VCF2: variants seen among roughly 807,000 people sequenced by gnomAD.
The protein encoded by VCF2 is VCP nuclear cofactor family member 2.
the VCF2 span, among the ~76,000 whole-genome samples, chrX:55,148,908 T>C: frequency 1.8e-5 from 2 of 112,138 alleles, no homozygotes; most frequent in South Asian, 3.7e-4. Flanking sequence ...TTTCAGCTTC[T>C]GTAATTTTTC....
the VCF2 span, chrX:55,145,360 C>G: frequency 1.3e-6 from 1 of 751,028 alleles, no homozygotes. Flanking sequence ...GTGTTTCCTA[C>G]TAAGTCTGAA....
chrX:55,153,350 T>A, the VCF2 span, among the ~76,000 whole-genome samples: 1 of 98,848 alleles, frequency 1.0e-5, no homozygotes, highest in African/African-American at 3.7e-5. Flanking sequence ...AATTTTTATT[T>A]ATTAATTTTT....
chrX:55,155,941 CTTTTT>C, the VCF2 span, among the ~76,000 whole-genome samples: 2 of 50,525 alleles, frequency 4.0e-5, no homozygotes, highest in African/African-American at 5.5e-5. Context: ...TCTTCTTCTT[CTTTTT>C]TTTTTTTTTT....
chrX:55,156,514 A>G, the VCF2 span, among the ~76,000 whole-genome samples: 11 of 112,638 alleles, frequency 9.8e-5, 1 homozygote, highest in South Asian at 3.3e-3. Context: ...ACGTGTACAC[A>G]TTCTCTAATA....
At chrX:55,157,189 T>C in the VCF2 span, among the ~76,000 whole-genome samples, 2 of 112,646 alleles carry the variant, frequency 1.8e-5, no homozygotes, top group East Asian at 2.8e-4. Flanking sequence ...TCAAACGTGA[T>C]GAGAATGACT....
At chrX:55,156,045 G>A in the VCF2 span, among the ~76,000 whole-genome samples, 1 of 104,954 alleles carries the variant, frequency 9.5e-6, no homozygotes, top group African/African-American at 3.5e-5. Context: ...TCCGCCTCCC[G>A]GGTTCAAGCG....
At chrX:55,145,474 G>C in the VCF2 span, 19 of 752,216 alleles carry the variant, frequency 2.5e-5, no homozygotes, top group African/African-American at 2.8e-4. Context: ...TTATTAGAGA[G>C]AGATTTTCAT....
At chrX:55,147,193 T>C in the VCF2 span, among the ~76,000 whole-genome samples, 715 of 111,938 alleles carry the variant, frequency 6.4e-3, 8 homozygotes, top group African/African-American at 0.022. Flanking sequence ...GCTGGTATTA[T>C]ATTTCTTCTA....
At chrX:55,148,699 G>A in the VCF2 span, among the ~76,000 whole-genome samples, 5 of 110,670 alleles carry the variant, frequency 4.5e-5, no homozygotes, top group Admixed American at 4.8e-4. Flanking sequence ...TTTAGAGATT[G>A]GGTTTTGATT....
At chrX:55,161,067 A>G in the VCF2 span, 1 of 1,198,864 alleles carries the variant, frequency 8.3e-7, no homozygotes, top group Non-Finnish European at 1.1e-6. Flanking sequence ...TGGCTGAGAA[A>G]GCAAAGCGTG....
chrX:55,156,374 T>C, the VCF2 span, among the ~76,000 whole-genome samples: 1 of 112,147 alleles, frequency 8.9e-6, no homozygotes, highest in Non-Finnish European at 1.9e-5. Flanking sequence ...AGTCTATCCC[T>C]GGAATAATAA....
At chrX:55,143,458 A>C in the VCF2 span, 1 of 140,803 alleles carries the variant, frequency 7.1e-6, no homozygotes, top group Non-Finnish European at 1.4e-5. Context: ...GGCTTTTAAC[A>C]TTCCTTTTAG....
chrX:55,158,900 C>T, the VCF2 span, among the ~76,000 whole-genome samples: 1 of 111,663 alleles, frequency 9.0e-6, no homozygotes, highest in South Asian at 3.7e-4. Context: ...ATTACAGGGG[C>T]TAATTCCTCC....
the VCF2 span, chrX:55,161,091 C>T: frequency 8.3e-7 from 1 of 1,206,410 alleles, no homozygotes; most frequent in Non-Finnish European, 1.1e-6. Context: ...ACCGTGGGGA[C>T]CAGAGCTCGG....
At chrX:55,148,057 T>A in the VCF2 span, among the ~76,000 whole-genome samples, 1 of 111,058 alleles carries the variant, frequency 9.0e-6, no homozygotes, top group Non-Finnish European at 1.9e-5. Context: ...TATCATTCTA[T>A]ATCAGAAGTC....
chrX:55,156,676 G>A, the VCF2 span, among the ~76,000 whole-genome samples: 1 of 112,101 alleles, frequency 8.9e-6, no homozygotes, highest in East Asian at 2.8e-4. Context: ...TTGTAGCTTA[G>A]TTTCCCTCCT....
the VCF2 span, among the ~76,000 whole-genome samples, chrX:55,150,275 G>A: frequency 8.9e-6 from 1 of 111,841 alleles, no homozygotes; most frequent in African/African-American, 3.3e-5. Context: ...GACCGGTTTT[G>A]TAGAAGACAA....
the VCF2 span, among the ~76,000 whole-genome samples, chrX:55,153,468 C>T: frequency 1.8e-5 from 2 of 108,671 alleles, no homozygotes; most frequent in African/African-American, 6.7e-5. Flanking sequence ...CATTCTCCTG[C>T]CTCAGCCTCC....
the VCF2 span, among the ~76,000 whole-genome samples, chrX:55,153,417 C>T: frequency 3.8e-5 from 4 of 104,265 alleles, no homozygotes; most frequent in Admixed American, 2.1e-4. Context: ...TGCAGTGGCG[C>T]GATCTCAGCT....
Sources: allele counts gnomAD v4.1 joint callset (sites outside exome capture counted in the v4.1 genomes callset), GRCh38; gene constraint gnomAD v4.1.1; transcripts MANE v1.5; gene names NCBI Gene and HGNC (gene_info 2026-07-23, HGNC 2026-07-21).